Variants in RHPN1 observed in about 807,000 individuals in gnomAD.
RHPN1 encodes rhophilin-1.
In RHPN1, 77 loss-of-function variants were observed where a neutral mutation model predicts 74.7. The ratio of observed to expected loss-of-function variants is 1.03; its 90% CI spans 0.86 to 1.25. The LOEUF (loss-of-function observed/expected upper bound fraction) is 1.25. Ranked by LOEUF, RHPN1 falls within the 50% of genes most tolerant of loss-of-function variation. The pLI is 0.00. For missense variants in RHPN1, 987 were observed against 932.2 expected, an observed-to-expected ratio of 1.06 and a Z score of -0.77; for synonymous variants, 444 against 414.5, an observed-to-expected ratio of 1.07 and a Z score of -0.87.
chr8:143,371,999 C>G (rs1013114719), intron 1 of RHPN1, among the ~76,000 whole-genome samples: 1 of 152,328 alleles, frequency 6.6e-6, no homozygotes, highest in East Asian at 1.9e-4. Flanking sequence ...GCCTGTAGGC[C>G]GGGAAGTCAC....
rs755478214 is a variant in RHPN1, at chr8:143,381,706, G to C, written c.1623G>C (p.Gly541=). The change falls in exon 13 of 15, where the codon GGG becomes GGC. Residue 541 remains glycine (G), a synonymous_variant. Coordinates refer to ENST00000289013, the MANE Select transcript of RHPN1 (RefSeq NM_052924.3). ...TCCTCATCGCTGCCGTCATTCCAGG[G>C]AGCCAGGCCGCGGTAAGGGCCCCGC... The part of the protein sequence containing the change: ...SPVLIAAVIP[G]SQAAAAGLKE... 41 of 1,610,614 alleles carry C rather than the reference G, an allele frequency of 2.5e-5. No individual in the cohort carries two copies. Among genetic ancestry groups the C allele is most frequent in the South Asian group, 5.5e-5 (5 of 90,804 alleles).
chr8:143,379,521 AC>A lies in RHPN1; in HGVS notation c.945+16del. 1.3e-6 allele frequency: 2 copies of A among 1,533,250 alleles called. No individual in the cohort carries two copies. Among genetic ancestry groups the A allele is most frequent in the Non-Finnish European group, 8.8e-7 (1 of 1,137,380 alleles). The allele number at this position is 1,533,250 out of a possible 1,614,324, so 95.0% of individuals were successfully genotyped here. A position where few individuals can be genotyped will look rare whatever the true frequency, so the allele number is the denominator to read the frequency against. On this transcript the variant is annotated intron_variant, in intron 8 of 14. Transcript: ENST00000289013. ...GGAGGCCGCCCAGGTGAGCTCGGGCACCCGTGTCAGGATGCAGGGGGTGGGG... is the reference window on the plus strand; with the variant it reads ...GGAGGCCGCCCAGGTGAGCTCGGGCACCGTGTCAGGATGCAGGGGGTGGGG...
chr8:143,380,706 A>G lies in RHPN1; in HGVS notation c.1334A>G (p.Gln445Arg), dbSNP rs531770002. The change falls in exon 11 of 15, where the codon CAG becomes CGG. Residue 445 changes from glutamine (Q) to arginine (R), a missense_variant. Physicochemically the swap from Gln to Arg is conservative, Grantham distance 43. Transcript: ENST00000289013. ...CGGGCTGTGATCTCCCAGACGCTGC[A>G]GCGCTCACTGGCCAAGTATGCGGAG... ...LLRAVISQTL[Q>R]RSLAKYAELD... The G allele has an allele frequency of 1.6e-5, 26 of 1,590,912 alleles. 1 individual carries two copies. The highest frequency in any genetic ancestry group is 2.2e-5 in the Non-Finnish European group (26 of 1,169,320).
At chr8:143,381,446 C>T (rs1818722694) in intron 12 of RHPN1, 102 bp downstream of exon 12, 6 of 1,454,874 alleles carry the variant, frequency 4.1e-6, no homozygotes, top group Non-Finnish European at 5.6e-6. Flanking sequence ...GTGGTCCAGC[C>T]CTCCCCACCC....
At chr8:143,378,546 CTGCT>C in intron 5 of RHPN1, 146 bp from the exon 6 acceptor site, 1 of 1,189,350 alleles carries the variant, frequency 8.4e-7, no homozygotes, top group East Asian at 2.6e-5. Flanking sequence ...GTGCCGCATG[CTGCT>C]GGCCTTCGGG....
chr8:143,376,764 C>CTG (rs373671345), intron 3 of RHPN1, 111 bp downstream of exon 3: 41 of 1,256,744 alleles, frequency 3.3e-5, no homozygotes, highest in Admixed American at 2.8e-4. Flanking sequence ...TGTGCATTGT[C>CTG]TGTGTGTGTG....
At chr8:143,372,555 G>A (rs569206822) in intron 1 of RHPN1, among the ~76,000 whole-genome samples, 2 of 152,040 alleles carry the variant, frequency 1.3e-5, no homozygotes, top group African/African-American at 2.4e-5. Context: ...GTCCTGGGCC[G>A]GCACACCCTC....
In RHPN1 at chr8:143,381,574, GC is replaced by G. The variant is rs755730327; in HGVS notation, c.1495del (p.Leu499CysfsTer18). The G allele has an allele frequency of 1.2e-6, 2 of 1,606,630 alleles. No individual in the cohort carries two copies. The highest frequency in any genetic ancestry group is 1.7e-6 in the Non-Finnish European group (2 of 1,178,564). On this transcript the variant is annotated frameshift_variant, in exon 13 of 15. Coordinates refer to ENST00000289013, the MANE Select transcript of RHPN1 (RefSeq NM_052924.3). LOFTEE classifies it high-confidence loss of function. ...KGPDIFHRLG[P>X]LSVFSAKNRW... ...TCTGACCTCTGAGCCCCTGCCAGGG[GC>G]CCCTGTCTGTGTTCTCAGCCAAGAA...
chr8:143,383,069 C>A lies in RHPN1; in HGVS notation c.*418C>A. On this transcript the variant is annotated 3_prime_UTR_variant, in exon 15 of 15. Transcript: ENST00000289013. ...GATTCCTGCTGGGCACCCCTTCGCT[C>A]ACTGCCCCTCCACCATGCAGCAGCC... The A allele has an allele frequency of 4.5e-6, 1 of 224,466 alleles. No homozygotes were observed. Among genetic ancestry groups the A allele is most frequent in the Non-Finnish European group, 8.9e-6 (1 of 112,048 alleles). 13.9% of individuals were successfully genotyped at this position (224,466 alleles called of 1,614,324 possible). A position where few individuals can be genotyped will look rare whatever the true frequency, so the allele number is the denominator to read the frequency against.
At chr8:143,371,227 C>T (rs1471391969) in intron 1 of RHPN1, among the ~76,000 whole-genome samples, 1 of 152,152 alleles carries the variant, frequency 6.6e-6, no homozygotes, top group African/African-American at 2.4e-5. Flanking sequence ...CAGCAATGCC[C>T]TTTGAATTCT....
At chr8:143,375,689 G>A (rs756139253) in intron 2 of RHPN1, 21 bp downstream of exon 2, 144 of 1,567,202 alleles carry the variant, frequency 9.2e-5, no homozygotes, top group Non-Finnish European at 1.1e-4. Context: ...GAGACTGCCC[G>A]GCCCCGGGAG....
At chr8:143,374,773 G>A (rs1281542261) in intron 1 of RHPN1, among the ~76,000 whole-genome samples, 1 of 152,204 alleles carries the variant, frequency 6.6e-6, no homozygotes, top group Non-Finnish European at 1.5e-5. Context: ...CATGAAACTG[G>A]ATCTCCCTAG....
At chr8:143,370,743 G>A (rs994601488) in intron 1 of RHPN1, among the ~76,000 whole-genome samples, 6 of 152,258 alleles carry the variant, frequency 3.9e-5, no homozygotes, top group Admixed American at 1.3e-4. Flanking sequence ...CTGGGAAGGG[G>A]AGAAGCCTGG....
In RHPN1 at chr8:143,378,346, G is replaced by A. The variant is rs974921586; in HGVS notation, c.459G>A (p.Gln153=). 1.9e-6 allele frequency: 3 copies of A among 1,546,844 alleles called. No homozygotes were observed. Among genetic ancestry groups the A allele is most frequent in the Non-Finnish European group, 2.6e-6 (3 of 1,146,456 alleles). The change falls in exon 5 of 15, where the codon CAG becomes CAA. Residue 153 remains glutamine (Q), a splice_region_variant and synonymous_variant. Transcript: ENST00000289013. ...AEIRELEALR[Q]AMRTPSRNES... is the part of the protein sequence containing the mutation. ...TCAGGGAGCTGGAGGCCCTGCGGCA[G>A]GTGTGTGGTTCCCCCGCCCACCCAC...
intron 11 of RHPN1, 39 bp from the exon 12 acceptor site, chr8:143,381,229 A>C (rs1818702281): frequency 6.4e-7 from 1 of 1,571,574 alleles, no homozygotes; most frequent in Non-Finnish European, 8.7e-7. Flanking sequence ...GCAGGTCTCC[A>C]CAGTCTCCCA....
intron 3 of RHPN1, among the ~76,000 whole-genome samples, 198 bp downstream of exon 3, chr8:143,376,851 CGTGTGTCTCTGTGTGTAT>C (rs1818271480): frequency 1.3e-5 from 1 of 79,266 alleles, no homozygotes; most frequent in Admixed American, 1.4e-4. Flanking sequence ...TGTGTGTGTG[CGTGTGTCTCTGTGTGTAT>C]ATGTGTGTGC....
chr8:143,378,289 T>C lies in RHPN1; in HGVS notation c.402T>C (p.Phe134=), dbSNP rs192221729. Residue 134 remains phenylalanine (F), a synonymous_variant, in exon 5 of 15, where the codon TTT becomes TTC. Transcript: ENST00000289013. The part of the protein sequence containing the change: ...TPLKELISVH[F]GEDGASYEAE... ...ATCAGGAGCTGATCTCAGTGCACTT[T>C]GGAGAGGACGGCGCCTCCTACGAGG... 7.6e-6 allele frequency: 12 copies of C among 1,576,096 alleles called. No individual in the cohort carries two copies. Among genetic ancestry groups the C allele is most frequent in the Admixed American group, 3.6e-5 (2 of 55,154 alleles).
chr8:143,380,606 C>T lies in RHPN1; in HGVS notation c.1234C>T (p.Arg412Cys), dbSNP rs1026303611. The T allele has an allele frequency of 2.6e-6, 4 of 1,531,744 alleles. No homozygotes were observed. Among genetic ancestry groups the T allele is most frequent in the African/African-American group, 1.4e-5 (1 of 72,826 alleles). 94.9% of individuals were successfully genotyped at this position (1,531,744 alleles called of 1,614,324 possible). Reference protein sequence around the residue: ...RRQLGKAHLKRAILGQEEALR... With the variant: ...RRQLGKAHLKCAILGQEEALR... Reference sequence around the variant, plus strand: ...GCGTGCAGGCAAGGCACACCTGAAGCGTGCCATCCTGGGGCAGGAGGAGGC... The same window carrying T: ...GCGTGCAGGCAAGGCACACCTGAAGTGTGCCATCCTGGGGCAGGAGGAGGC... Residue 412 changes from arginine (R) to cysteine (C), a missense_variant, in exon 11 of 15, where the codon CGT becomes TGT. Arg to Cys is a radical substitution (Grantham distance 180). Coordinates refer to ENST00000289013, the MANE Select transcript of RHPN1 (RefSeq NM_052924.3).
chr8:143,374,266 C>A, intron 1 of RHPN1: 1 of 985,442 alleles, frequency 1.0e-6, no homozygotes, highest in Non-Finnish European at 1.2e-6. Context: ...TGCACGTTGG[C>A]CCCATGAATC....
Sources: allele counts gnomAD v4.1 joint callset (sites outside exome capture counted in the v4.1 genomes callset), GRCh38; gene constraint gnomAD v4.1.1; transcripts MANE v1.5; gene names NCBI Gene and HGNC (gene_info 2026-07-23, HGNC 2026-07-21).